The following PCNX2 variants were observed in gnomAD, a reference collection of about 807,000 sequenced individuals.
PCNX2 encodes the protein pecanex 2, also known as pecanex-like protein 2.
Under a neutral mutation model 223.8 loss-of-function variants are expected in PCNX2, and 168 were observed. That is an observed-to-expected ratio of 0.75 (90% CI 0.66 to 0.85). PCNX2 has a LOEUF of 0.85. Ranked by LOEUF, PCNX2 falls within the 40% of genes least tolerant of loss-of-function variation. The probability of loss-of-function intolerance (pLI) is 0.00; values close to 1 mark genes in which losing one functional copy is unlikely to be tolerated. For synonymous variants in PCNX2, 1,006 were observed against 1,052.6 expected (o/e 0.96, Z 0.86); for missense variants, 2,507 against 2,675.5 (o/e 0.94, Z 1.39).
At chr1:233,262,826 C>A (rs1282778429) in intron 2 of PCNX2, 132 bp downstream of exon 2, 5 of 817,512 alleles carry the variant, frequency 6.1e-6, no homozygotes, top group Non-Finnish European at 9.4e-6. Flanking sequence ...TAAGTATATG[C>A]TGAAATATAA....
At chr1:233,136,474 G>A (rs1224919619) in intron 20 of PCNX2, among the ~76,000 whole-genome samples, 6 of 152,188 alleles carry the variant, frequency 3.9e-5, no homozygotes, top group Non-Finnish European at 7.3e-5. Flanking sequence ...ACCTAGGACT[G>A]CAGTTGTTTC....
At chr1:233,103,218 T>C (rs925340953) in intron 21 of PCNX2, among the ~76,000 whole-genome samples, 1 of 152,168 alleles carries the variant, frequency 6.6e-6, no homozygotes, top group African/African-American at 2.4e-5. Context: ...CAATACGTAA[T>C]AATCACATCA....
chr1:233,231,636 G>A (rs1023041025), intron 9 of PCNX2: 22 of 984,384 alleles, frequency 2.2e-5, no homozygotes, highest in Non-Finnish European at 2.7e-5. Context: ...AAGGGCAGGG[G>A]ATAGGGAGAA....
At chr1:233,254,792 T>C (rs973456876) in intron 5 of PCNX2, among the ~76,000 whole-genome samples, 6 of 151,998 alleles carry the variant, frequency 3.9e-5, no homozygotes, top group Non-Finnish European at 5.9e-5. Context: ...TTTAATGTTA[T>C]TGGATATTCA....
At chr1:233,019,251 A>G in intron 26 of PCNX2, 1 of 953,366 alleles carries the variant, frequency 1.0e-6, no homozygotes, top group Non-Finnish European at 1.2e-6. Flanking sequence ...TTTTGGACAC[A>G]CCTTCTATTA....
chr1:233,231,738 A>G, intron 9 of PCNX2: 14 of 889,302 alleles, frequency 1.6e-5, no homozygotes, highest in Non-Finnish European at 1.9e-5. Flanking sequence ...AGCACTGGGA[A>G]GGCAGGGTTG....
intron 23 of PCNX2, among the ~76,000 whole-genome samples, chr1:233,077,865 C>T (rs1673168344): frequency 6.6e-6 from 1 of 150,646 alleles, no homozygotes; most frequent in Non-Finnish European, 1.5e-5. Flanking sequence ...ACAGGGAGAG[C>T]CAAACACAGC....
chr1:233,121,635 A>C (rs1313821035), intron 21 of PCNX2, among the ~76,000 whole-genome samples: 1 of 152,208 alleles, frequency 6.6e-6, no homozygotes, highest in Non-Finnish European at 1.5e-5. Flanking sequence ...GTGACTGTAC[A>C]TGCGAATTGG....
chr1:233,309,042 G>C, the PCNX2 span, among the ~76,000 whole-genome samples: 1 of 152,122 alleles, frequency 6.6e-6, no homozygotes. Flanking sequence ...GTAATAAAAA[G>C]AGGCAAAAGT....
intron 25 of PCNX2, among the ~76,000 whole-genome samples, chr1:233,025,950 A>G (rs561695930): frequency 6.6e-6 from 1 of 152,358 alleles, no homozygotes; most frequent in South Asian, 2.1e-4. Flanking sequence ...AAACAAATAA[A>G]TAAACAAACT....
intron 21 of PCNX2, among the ~76,000 whole-genome samples, chr1:233,117,644 T>C (rs962134957): frequency 4.0e-5 from 6 of 149,238 alleles, no homozygotes; most frequent in Non-Finnish European, 4.5e-5. Flanking sequence ...CACAAAAATA[T>C]AGGTCAATAT....
chr1:233,041,409 T>C (rs140552327), intron 25 of PCNX2, among the ~76,000 whole-genome samples: 1 of 152,294 alleles, frequency 6.6e-6, no homozygotes, highest in African/African-American at 2.4e-5. Flanking sequence ...ACCTGACCTC[T>C]TGTGATGGGT....
Position 232,991,081 on chromosome 1 carries a change from C to T in PCNX2, c.5792-4541G>A, listed in dbSNP as rs1396462294. On this transcript the variant is annotated intron_variant, in intron 32 of 33. Transcript: ENST00000258229. This position sits in a 1 kb window ranked among gnomAD's most constrained non-coding sequence, Gnocchi z 4.3. ...ACTGTCCTAGGTGCCGGGCAGTGAG[C>T]AGCTCATGGGAAATTCTGACCACAG... 6.6e-6 allele frequency among the ~76,000 whole-genome samples: 1 copy of T among 152,196 alleles called. No homozygotes were observed. The highest frequency in any genetic ancestry group is 1.5e-5 in the Non-Finnish European group (1 of 68,040).
At chr1:233,238,976 A>G (rs1382470234) in intron 8 of PCNX2, among the ~76,000 whole-genome samples, 4 of 152,228 alleles carry the variant, frequency 2.6e-5, no homozygotes, top group Non-Finnish European at 2.9e-5. Flanking sequence ...AGATTTATAA[A>G]AACAATGTTC....
the PCNX2 span, among the ~76,000 whole-genome samples, chr1:233,305,760 A>G: frequency 8.5e-5 from 13 of 152,330 alleles, no homozygotes; most frequent in South Asian, 2.7e-3. Context: ...CAGCCTAGAA[A>G]CTAAATTTTA....
At chr1:233,295,998 C>CTTTTTTTTT (rs201102619), upstream of PCNX2, among the ~76,000 whole-genome samples, 7 of 96,882 alleles carry the variant, frequency 7.2e-5, 1 homozygote, top group African/African-American at 1.1e-4. The surrounding 1 kb of genome is among the most constrained non-coding windows in gnomAD (Gnocchi z 4.1). Flanking sequence ...TTCTTTCTTT[C>CTTTTTTTTT]TTTCTTTTTT....
At chr1:233,006,018 G>A (rs772055991) in intron 28 of PCNX2, among the ~76,000 whole-genome samples, 38 of 152,194 alleles carry the variant, frequency 2.5e-4, no homozygotes, top group Non-Finnish European at 4.7e-4. Context: ...CAGGGGCAGA[G>A]AGGGCAGGCA....
At chr1:233,128,428 G>A (rs954511264) in intron 21 of PCNX2, among the ~76,000 whole-genome samples, 2 of 152,032 alleles carry the variant, frequency 1.3e-5, no homozygotes, top group Non-Finnish European at 2.9e-5. Context: ...TCCGCCTCTG[G>A]GGTGCAAGCA....
Position 233,252,560 on chromosome 1 carries a change from G to C in PCNX2, c.1983-61C>G, listed in dbSNP as rs185836861. ...GAAGTTCCTCCTTATCCTTGATAAAGCATTAAAAGCAGAAGCCAGTAAATG... is the reference window on the plus strand; with the variant it reads ...GAAGTTCCTCCTTATCCTTGATAAACCATTAAAAGCAGAAGCCAGTAAATG... On this transcript the variant is annotated intron_variant, in intron 6 of 33. Coordinates refer to ENST00000258229, the MANE Select transcript of PCNX2 (RefSeq NM_014801.4). The C allele has an allele frequency of 1.1e-5, 17 of 1,583,942 alleles. No individual in the cohort carries two copies. In the East Asian group the frequency reaches 3.6e-4, roughly 34 times the overall value.
Sources: gnomAD v4.1 joint callset for allele counts (sites outside exome capture counted in the v4.1 genomes callset) on GRCh38, gnomAD v4.1.1 for gene constraint, Gnocchi (gnomAD v3.1) non-coding constraint, MANE v1.5 for transcripts, NCBI Gene and HGNC (gene_info 2026-07-23, HGNC 2026-07-21) for gene names.